Variants in DENND2B observed in about 807,000 individuals in gnomAD.
DENND2B encodes DENN domain-containing protein 2B.
DENND2B carries 32 observed loss-of-function variants against 116.0 expected under a neutral mutation model. The observed-to-expected ratio is 0.28, with a 90% CI of 0.21 to 0.37. The LOEUF is 0.37. Among genes scored for constraint, DENND2B ranks in the 10% least tolerant of loss-of-function variants. DENND2B has a pLI of 1.00. For synonymous variants in DENND2B, 588 were observed against 583.9 expected (o/e 1.01, Z -0.10); for missense variants, 1,276 against 1,477.7 (o/e 0.86, Z 2.24).
chr11:8,807,576 G>C (rs2060983654), intron 1 of DENND2B, among the ~76,000 whole-genome samples: 1 of 151,980 alleles, frequency 6.6e-6, no homozygotes, highest in Admixed American at 6.6e-5. Context: ...TATCTAATTT[G>C]AGAGAGAGAG....
At chr11:8,722,454 G>C (rs1462519690) in intron 4 of DENND2B, among the ~76,000 whole-genome samples, 2 of 152,122 alleles carry the variant, frequency 1.3e-5, no homozygotes, top group Non-Finnish European at 2.9e-5. Context: ...CACAGGCTGG[G>C]CCAAGACCAG....
intron 1 of DENND2B, among the ~76,000 whole-genome samples, chr11:8,775,014 G>A (rs533423384): frequency 3.8e-4 from 58 of 151,960 alleles, no homozygotes; most frequent in African/African-American, 1.3e-3. Flanking sequence ...CTGAGTAGCC[G>A]GGATTACAGG....
At chr11:8,818,056 G>GT (rs1254428114) in intron 4 of DENND2B, among the ~76,000 whole-genome samples, 5 of 57,978 alleles carry the variant, frequency 8.6e-5, no homozygotes, top group African/African-American at 2.1e-4. Flanking sequence ...GAGGTCAGGA[G>GT]TTTGAGACCA....
At chr11:8,815,827 G>A (rs1036497036) in intron 4 of DENND2B, among the ~76,000 whole-genome samples, 5 of 152,202 alleles carry the variant, frequency 3.3e-5, no homozygotes, top group Admixed American at 6.5e-5. Context: ...CAATAAGTGT[G>A]TGTGAGATAA....
At chr11:8,854,622 T>G (rs1048756826) in intron 3 of DENND2B, among the ~76,000 whole-genome samples, 5 of 152,232 alleles carry the variant, frequency 3.3e-5, no homozygotes, top group African/African-American at 1.2e-4. Flanking sequence ...ATGCCTGTAA[T>G]TCCAACACTT....
rs183788773 is a variant in DENND2B, at chr11:8,848,410, T to C, written c.-156+8933A>G. ...AAAATGTTAAATAGGGAAAGAGCAA[T>C]TGTCAAAAACACATTATTAATAAAA... On this transcript the variant is annotated intron_variant, in intron 3 of 6. Transcript: ENST00000524757. Among the ~76,000 whole-genome samples, 71 of 151,646 alleles carry C rather than the reference T, an allele frequency of 4.7e-4. 1 individual carries two copies. Among genetic ancestry groups the C allele is most frequent in the Admixed American group, 4.1e-3 (62 of 15,200 alleles).
chr11:8,883,529 G>A (rs990141189), intron 1 of DENND2B, among the ~76,000 whole-genome samples: 1 of 151,814 alleles, frequency 6.6e-6, no homozygotes, highest in African/African-American at 2.4e-5. Context: ...TTTTCTTGTT[G>A]AACTGATGCT....
chr11:8,762,391 C>T (rs780105865), intron 1 of DENND2B, among the ~76,000 whole-genome samples: 9 of 152,206 alleles, frequency 5.9e-5, no homozygotes, highest in Non-Finnish European at 8.8e-5. Flanking sequence ...AGCAGTTGGG[C>T]TCCACAGTCC....
At chr11:8,819,801 G>A (rs2061696636) in intron 4 of DENND2B, among the ~76,000 whole-genome samples, 2 of 152,258 alleles carry the variant, frequency 1.3e-5, no homozygotes, top group African/African-American at 4.8e-5. Context: ...GCAACTAAAT[G>A]CAACATGGGA....
intron 2 of DENND2B, among the ~76,000 whole-genome samples, chr11:8,732,045 A>AG (rs2048212425): frequency 6.6e-6 from 1 of 152,170 alleles, no homozygotes; most frequent in African/African-American, 2.4e-5. Context: ...AGAATCCCTG[A>AG]GGGCCTCAGA....
chr11:8,817,238 A>G (rs1470043487), intron 4 of DENND2B, among the ~76,000 whole-genome samples: 1 of 152,164 alleles, frequency 6.6e-6, no homozygotes, highest in African/African-American at 2.4e-5. Flanking sequence ...CTTGGAAGAC[A>G]ATCTGTCTAC....
Position 8,726,218 on chromosome 11 carries a change from A to T in DENND2B, c.1341-9T>A. The T allele has an allele frequency of 6.2e-7, 1 of 1,603,750 alleles. No individual in the cohort carries two copies. The highest frequency in any genetic ancestry group is 8.5e-7 in the Non-Finnish European group (1 of 1,175,180). ...CAAACTCAAAGGATTTTCTGTGGAT[A>T]ACAAGAGCAAGAGTCATTCCTGCTG... On this transcript the variant is annotated splice_polypyrimidine_tract_variant and intron_variant, in intron 3 of 19. Coordinates refer to ENST00000313726, the MANE Select transcript of DENND2B (RefSeq NM_213618.2).
intron 2 of DENND2B, among the ~76,000 whole-genome samples, chr11:8,741,895 C>T (rs1481794274): frequency 6.7e-6 from 1 of 148,396 alleles, no homozygotes; most frequent in South Asian, 2.2e-4. Flanking sequence ...AAGTCTTTTA[C>T]TTTTTTCTTT....
intron 1 of DENND2B, among the ~76,000 whole-genome samples, chr11:8,800,227 T>C (rs2060198471): frequency 6.6e-6 from 1 of 152,170 alleles, no homozygotes; most frequent in Admixed American, 6.6e-5. Flanking sequence ...GTGTTAGGAT[T>C]ATAAGTGTGA....
intron 3 of DENND2B, among the ~76,000 whole-genome samples, chr11:8,846,974 C>A (rs984324009): frequency 7.0e-6 from 1 of 141,902 alleles, no homozygotes; most frequent in Non-Finnish European, 1.5e-5. Flanking sequence ...TTCCAATGGA[C>A]ACACACTGTC....
intron 2 of DENND2B, among the ~76,000 whole-genome samples, chr11:8,865,447 A>C (rs1323540437): frequency 1.3e-5 from 2 of 152,176 alleles, no homozygotes; most frequent in Non-Finnish European, 2.9e-5. Context: ...CAAAGCAACA[A>C]GTATAATCAT....
rs188522833 is a variant in DENND2B, at chr11:8,784,360, G to A, written c.-26+26157C>T. ...GAGGATCACTTGAGCCCAAGAGGTC[G>A]AGGCTGCAGTGAGTGGTGACTGTGC... On this transcript the variant is annotated intron_variant, in intron 1 of 19. Coordinates refer to ENST00000313726, the MANE Select transcript of DENND2B (RefSeq NM_213618.2). Among the ~76,000 whole-genome samples the A allele has an allele frequency of 5.3e-3, 801 of 151,220 alleles. 8 individuals carry two copies. Among genetic ancestry groups the A allele is most frequent in the South Asian group, 0.014 (66 of 4,752 alleles).
At chr11:8,876,931 G>A (rs1448457411) in intron 2 of DENND2B, among the ~76,000 whole-genome samples, 1 of 150,186 alleles carries the variant, frequency 6.7e-6, no homozygotes, top group Non-Finnish European at 1.5e-5. Context: ...AAGGCAGCTT[G>A]ACTGCTGATG....
rs1298099428 is a variant in DENND2B, at chr11:8,909,388, A to AAGGAAGAAGGAAGAAG, written c.-256+1417_-256+1432dup. On this transcript the variant is annotated intron_variant, in intron 1 of 22. Coordinates refer to the DENND2B transcript ENST00000534127. ...TCTTTATTAAACAAAAAAGAAGAAG[A>AAGGAAGAAGGAAGAAG]AGGAAGAAGGAAGAAGAGGAAGAAG... Among the ~76,000 whole-genome samples, 22 of 150,432 alleles carry AAGGAAGAAGGAAGAAG rather than the reference A, an allele frequency of 1.5e-4. 1 individual carries two copies. The South Asian group carries it at 4.1e-3, about 28-fold the overall frequency.
Sources: gnomAD v4.1 joint callset for allele counts (sites outside exome capture counted in the v4.1 genomes callset) on GRCh38, gnomAD v4.1.1 for gene constraint, MANE v1.5 for transcripts, NCBI Gene and HGNC (gene_info 2026-07-23, HGNC 2026-07-21) for gene names.